The following TMPRSS9 variants were observed in gnomAD, a reference collection of about 807,000 sequenced individuals.
TMPRSS9 encodes transmembrane protease serine 9.
TMPRSS9 carries 113 observed loss-of-function variants against 111.4 expected under a neutral mutation model. That is an observed-to-expected ratio of 1.01 (90% CI 0.87 to 1.19). The LOEUF (loss-of-function observed/expected upper bound fraction) is 1.19. Among genes scored for constraint, TMPRSS9 ranks in the 50% most tolerant of loss-of-function variants. TMPRSS9 has a pLI of 0.00. For synonymous variants in TMPRSS9, 805 were observed against 659.1 expected (o/e 1.22, Z -3.39); for missense variants, 1,803 against 1,513.1 (o/e 1.19, Z -3.18).
chr19:2,412,479 G>A (rs948803774), intron 9 of TMPRSS9, among the ~76,000 whole-genome samples: 1 of 152,118 alleles, frequency 6.6e-6, no homozygotes, highest in African/African-American at 2.4e-5. Flanking sequence ...TTCTCTTGGC[G>A]AGGGACATTA....
intron 4 of TMPRSS9, among the ~76,000 whole-genome samples, chr19:2,400,878 G>A (rs1156988311): frequency 1.3e-5 from 2 of 151,318 alleles, no homozygotes; most frequent in Non-Finnish European, 2.9e-5. Context: ...GGAGGCTGAG[G>A]CAGGAGAATT....
rs1386330706 is a variant in TMPRSS9 at position 2,361,371 on chromosome 19, AG to A, written c.-26+1018del. Among the ~76,000 whole-genome samples, 4 of 2,056 alleles carry A rather than the reference AG, an allele frequency of 1.9e-3. No individual in the cohort carries two copies. In the East Asian group the frequency reaches 0.052, roughly 27 times the overall value. The allele number at this position is 2,056 out of a possible 152,430, so 1.3% of individuals were successfully genotyped here. On this transcript the variant is annotated intron_variant, in intron 1 of 17. Coordinates refer to the TMPRSS9 transcript ENST00000649857. Reference sequence around the variant, plus strand: ...GGGTGGGAGGTGAGTCTGGGGTGGGAGGGGGGGCTGGGGTGGGAGGCGGGGC... The same window carrying A: ...GGGTGGGAGGTGAGTCTGGGGTGGGAGGGGGGCTGGGGTGGGAGGCGGGGC...
intron 1 of TMPRSS9, among the ~76,000 whole-genome samples, chr19:2,391,621 C>T (rs1209251318): frequency 1.4e-5 from 2 of 144,300 alleles, no homozygotes; most frequent in Non-Finnish European, 3.1e-5. Flanking sequence ...TGTGTGTGTC[C>T]ATCACCTAGT....
At chr19:2,411,998 A>G (rs980324763) in intron 9 of TMPRSS9, among the ~76,000 whole-genome samples, 1 of 151,872 alleles carries the variant, frequency 6.6e-6, no homozygotes, top group Admixed American at 6.6e-5. Context: ...TGTTTCTTCT[A>G]TATTCTATAT....
chr19:2,396,583 C>T, exon 2 of TMPRSS9: 1 of 1,611,452 alleles, frequency 6.2e-7, no homozygotes, highest in African/African-American at 1.3e-5. Context: ...CACGGCCGAG[C>T]TGCGGGGAAT....
At chr19:2,382,196 G>A (rs2033257) in intron 1 of TMPRSS9, among the ~76,000 whole-genome samples, 68,755 of 151,818 alleles carry the variant, frequency 0.45, 16,365 homozygotes, top group East Asian at 0.6. Context: ...GTCTCACTCT[G>A]TGTTGCCCAG....
chr19:2,363,635 G>A (rs1372905694), intron 1 of TMPRSS9, among the ~76,000 whole-genome samples: 3 of 151,638 alleles, frequency 2.0e-5, no homozygotes, highest in Admixed American at 6.6e-5. Flanking sequence ...CCTGGGTGCC[G>A]ACACTGGGGC....
chr19:2,361,572 G>GC (rs1315434818), intron 1 of TMPRSS9, among the ~76,000 whole-genome samples: 2 of 152,134 alleles, frequency 1.3e-5, no homozygotes, highest in Non-Finnish European at 2.9e-5. Context: ...GATTCAATTA[G>GC]CCCCGGCAGG....
chr19:2,372,548 A>T (rs1970299338), intron 1 of TMPRSS9, among the ~76,000 whole-genome samples: 1 of 152,016 alleles, frequency 6.6e-6, no homozygotes, highest in African/African-American at 2.4e-5. Flanking sequence ...TCTAGAAGAT[A>T]TTTTTACTCT....
At chr19:2,380,002 T>C (rs1398517446) in intron 1 of TMPRSS9, among the ~76,000 whole-genome samples, 1 of 151,992 alleles carries the variant, frequency 6.6e-6, no homozygotes, top group East Asian at 1.9e-4. Flanking sequence ...CCATAGTGCC[T>C]CAGCCTCCCA....
In TMPRSS9 at chr19:2,396,523, C is replaced by G; in HGVS notation, c.143-16C>G. 6.3e-7 allele frequency: 1 copy of G among 1,588,022 alleles called. No homozygotes were observed. The highest frequency in any genetic ancestry group is 8.6e-7 in the Non-Finnish European group (1 of 1,165,072). The stretch of plus-strand genomic sequence containing the variant: ...CCAAAGGTGGGCTCTCTCACGGGCC[C>G]TGGTCTCGTCCCCAGCCTTCCTCTC... On this transcript the variant is annotated splice_polypyrimidine_tract_variant and intron_variant, in intron 1 of 17. Coordinates refer to ENST00000648592, the Ensembl canonical transcript of TMPRSS9.
At chr19:2,404,015 A>G (rs1178326744) in intron 6 of TMPRSS9, among the ~76,000 whole-genome samples, 1 of 151,382 alleles carries the variant, frequency 6.6e-6, no homozygotes, top group African/African-American at 2.4e-5. Context: ...AAAAAGAAAA[A>G]AAAATTAGCC....
intron 1 of TMPRSS9, among the ~76,000 whole-genome samples, chr19:2,393,144 A>G (rs999042636): frequency 6.6e-6 from 1 of 152,218 alleles, no homozygotes; most frequent in Non-Finnish European, 1.5e-5. Context: ...TGCTGGAGCC[A>G]GCAGCGGCAA....
Position 2,425,507 on chromosome 19 carries a change from C to G in TMPRSS9, c.3120+14C>G. 6.4e-7 allele frequency: 1 copy of G among 1,558,922 alleles called. No individual in the cohort carries two copies. Among genetic ancestry groups the G allele is most frequent in the Non-Finnish European group, 8.6e-7 (1 of 1,160,248 alleles). On this transcript the variant is annotated intron_variant, in intron 17 of 17. Coordinates refer to ENST00000648592, the Ensembl canonical transcript of TMPRSS9. ...GACAGCTGCTCGGTGAGCCCCGCCCCGGCCCAGGGGACCAGGTCCCGCCCA... is the reference window on the plus strand; with the variant it reads ...GACAGCTGCTCGGTGAGCCCCGCCCGGGCCCAGGGGACCAGGTCCCGCCCA...
chr19:2,416,471 C>A, intron 11 of TMPRSS9, 67 bp from the exon 13 acceptor site: 1 of 1,547,794 alleles, frequency 6.5e-7, no homozygotes. Context: ...TGCATCAGCC[C>A]TGTCCCTCCC....
At chr19:2,409,100 G>A (rs1018959464) in intron 8 of TMPRSS9, among the ~76,000 whole-genome samples, 6 of 150,024 alleles carry the variant, frequency 4.0e-5, no homozygotes, top group African/African-American at 7.4e-5. Context: ...TCCACTGCTT[G>A]CTAAGATATA....
chr19:2,390,528 CCA>C (rs1159039650), intron 1 of TMPRSS9, among the ~76,000 whole-genome samples: 1 of 149,252 alleles, frequency 6.7e-6, no homozygotes, highest in Non-Finnish European at 1.5e-5. Context: ...CAGGCATGAG[CCA>C]CCGCGCCCGG....
Position 2,424,077 on chromosome 19 carries a change from G to A in TMPRSS9, c.2549-12G>A, listed in dbSNP as rs944400173. The A allele has an allele frequency of 8.7e-6, 11 of 1,264,952 alleles. No individual in the cohort carries two copies. The African/African-American group carries it at 1.5e-4, about 18-fold the overall frequency. The allele number at this position is 1,264,952 out of a possible 1,614,324, so 78.4% of individuals were successfully genotyped here. A position where few individuals can be genotyped will look rare whatever the true frequency, so the allele number is the denominator to read the frequency against. ...CTGGGTCCGCCTGCCCACGCGCCTG[G>A]CTCCCCCGCAGACTGTGGCCTGGCG... On this transcript the variant is annotated splice_polypyrimidine_tract_variant and intron_variant, in intron 14 of 17. Transcript: ENST00000648592.
At chr19:2,396,466 C>T in intron 1 of TMPRSS9, 73 bp from the exon 3 acceptor site, 1 of 1,489,326 alleles carries the variant, frequency 6.7e-7, no homozygotes, top group Non-Finnish European at 9.0e-7. Context: ...CAGGGCGGGG[C>T]CTGGGTGGCA....
Sources: gnomAD v4.1 joint callset for allele counts (sites outside exome capture counted in the v4.1 genomes callset) on GRCh38, gnomAD v4.1.1 for gene constraint, MANE v1.5 for transcripts, NCBI Gene and HGNC (gene_info 2026-07-23, HGNC 2026-07-21) for gene names.